The following CLYBL variants were observed in gnomAD, a reference collection of about 807,000 sequenced individuals.
The protein encoded by CLYBL is citramalyl-CoA lyase, mitochondrial.
A neutral mutation model predicts 38.9 loss-of-function variants in CLYBL; 31 were observed. The ratio of observed to expected loss-of-function variants is 0.80; its 90% confidence interval spans 0.60 to 1.08. The LOEUF (loss-of-function observed/expected upper bound fraction) is 1.08, where lower values mean the gene tolerates loss of function less well. Ranked by LOEUF, CLYBL falls within the 50% of genes least tolerant of loss-of-function variation. The pLI, the probability that CLYBL is intolerant of heterozygous loss-of-function variation, is 0.00. For missense variants in CLYBL, 434 were observed against 411.6 expected, an observed-to-expected ratio of 1.05 and a Z score of -0.47; for synonymous variants, 171 against 158.6, an observed-to-expected ratio of 1.08 and a Z score of -0.59.
At chr13:99,616,731 C>T (rs1455026049) in intron 1 of CLYBL, among the ~76,000 whole-genome samples, 1 of 152,018 alleles carries the variant, frequency 6.6e-6, no homozygotes, top group Non-Finnish European at 1.5e-5. Flanking sequence ...TGAAGTGGAC[C>T]GATCACTTGA....
chr13:99,692,483 G>A (rs1279679302), intron 1 of CLYBL, among the ~76,000 whole-genome samples: 1 of 151,778 alleles, frequency 6.6e-6, no homozygotes, highest in Non-Finnish European at 1.5e-5. Context: ...TAGTAGAGAC[G>A]GGGTTTCACC....
At chr13:99,623,532 T>G (rs2046826834) in intron 1 of CLYBL, among the ~76,000 whole-genome samples, 1 of 152,160 alleles carries the variant, frequency 6.6e-6, no homozygotes, top group Non-Finnish European at 1.5e-5. Flanking sequence ...TCCTGTTCCC[T>G]CAAGCAGGGA....
chr13:99,703,279 C>T (rs1566614606), intron 1 of CLYBL, among the ~76,000 whole-genome samples: 1 of 152,172 alleles, frequency 6.6e-6, no homozygotes, highest in African/African-American at 2.4e-5. Context: ...TTTAAGTGAC[C>T]ATAGCTTCTT....
chr13:99,901,601 G>A (rs2052642530), downstream of CLYBL, among the ~76,000 whole-genome samples: 1 of 151,436 alleles, frequency 6.6e-6, no homozygotes, highest in Non-Finnish European at 1.5e-5. Context: ...AAATTTTGCT[G>A]CCAAAGTTGC....
At chr13:99,745,174 C>A (rs950632693) in intron 1 of CLYBL, among the ~76,000 whole-genome samples, 2 of 152,216 alleles carry the variant, frequency 1.3e-5, no homozygotes, top group African/African-American at 4.8e-5. Flanking sequence ...CTCTCCATCT[C>A]TAACTGACCT....
At chr13:99,826,810 T>C (rs2050703941) in intron 2 of CLYBL, among the ~76,000 whole-genome samples, 1 of 152,242 alleles carries the variant, frequency 6.6e-6, no homozygotes, top group African/African-American at 2.4e-5. Flanking sequence ...CTCCCTGAGA[T>C]GCTCGCCCTG....
rs930569456 is a variant in CLYBL, at chr13:99,849,649, G to C, written c.250-9212G>C. Reference sequence around the variant, plus strand: ...ATGAGTTTGAGTCAGAGGTGCCTCAGAGGCCCATAAGGATGCCTGTCAAGG... The same window carrying C: ...ATGAGTTTGAGTCAGAGGTGCCTCACAGGCCCATAAGGATGCCTGTCAAGG... On this transcript the variant is annotated intron_variant, in intron 2 of 8. Transcript: ENST00000339105. This position sits in a 1 kb window ranked among gnomAD's most constrained non-coding sequence, Gnocchi z 4.9. Among the ~76,000 whole-genome samples, 1 of 152,252 alleles carries C rather than the reference G, an allele frequency of 6.6e-6. No homozygotes were observed. The highest frequency in any genetic ancestry group is 1.5e-5 in the Non-Finnish European group (1 of 68,054).
chr13:99,901,643 TTG>T (rs1491399560), downstream of CLYBL, among the ~76,000 whole-genome samples: 2 of 30,860 alleles, frequency 6.5e-5, no homozygotes. Context: ...TTGGATTTTT[TTG>T]TTTTTTTTTT....
intron 1 of CLYBL, among the ~76,000 whole-genome samples, chr13:99,748,206 C>T (rs2048887682): frequency 6.6e-6 from 1 of 151,872 alleles, no homozygotes; most frequent in Non-Finnish European, 1.5e-5. Flanking sequence ...ATGGCAAAAC[C>T]CCAACTCTAC....
At chr13:99,859,702 G>A (rs539158730) in intron 3 of CLYBL, among the ~76,000 whole-genome samples, 1 of 152,332 alleles carries the variant, frequency 6.6e-6, no homozygotes, top group Admixed American at 6.5e-5. Flanking sequence ...TGGTTGGCAT[G>A]TCAAATTACT....
intron 1 of CLYBL, among the ~76,000 whole-genome samples, chr13:99,719,050 T>C (rs1040263026): frequency 6.6e-6 from 1 of 151,934 alleles, no homozygotes; most frequent in African/African-American, 2.4e-5. Flanking sequence ...ATGGGGTTTC[T>C]CCATGTTGGT....
rs560146372 is a variant in CLYBL, at chr13:99,618,410, A to C, written c.62+11653A>C. On this transcript the variant is annotated intron_variant, in intron 1 of 8. Coordinates refer to ENST00000339105, the MANE Select transcript of CLYBL (RefSeq NM_206808.5). ...TCTGCCTCCGAGTAGCTGGGATTAC[A>C]GGTGCCCGCCACCACGCCTGGCTAA... Among the ~76,000 whole-genome samples the C allele has an allele frequency of 1.5e-4, 23 of 151,990 alleles. No homozygotes were observed. The East Asian group carries it at 4.4e-3, about 29-fold the overall frequency.
intron 2 of CLYBL, among the ~76,000 whole-genome samples, chr13:99,780,545 T>C (rs1051079191): frequency 2.0e-5 from 3 of 151,760 alleles, no homozygotes; most frequent in Non-Finnish European, 4.4e-5. Context: ...CACACCTGGC[T>C]AATTTTTTGT....
intron 7 of CLYBL, among the ~76,000 whole-genome samples, chr13:99,883,348 A>T (rs1361091833): frequency 6.6e-6 from 1 of 151,958 alleles, no homozygotes; most frequent in East Asian, 1.9e-4. Context: ...GTGAAACCCC[A>T]TCTCTACTAA....
chr13:99,795,515 A>G (rs1386530363), intron 2 of CLYBL, among the ~76,000 whole-genome samples: 1 of 152,076 alleles, frequency 6.6e-6, no homozygotes, highest in Non-Finnish European at 1.5e-5. Context: ...TTACCCAGGC[A>G]TGGTGGCATG....
intron 1 of CLYBL, among the ~76,000 whole-genome samples, chr13:99,755,196 C>G (rs190055299): frequency 7.2e-5 from 11 of 152,336 alleles, no homozygotes; most frequent in Non-Finnish European, 1.5e-4. Flanking sequence ...CGCGCCCGGC[C>G]CTAGATGATC....
chr13:99,658,686 G>A (rs1460008676), intron 1 of CLYBL, among the ~76,000 whole-genome samples: 1 of 152,126 alleles, frequency 6.6e-6, no homozygotes, highest in Admixed American at 6.5e-5. Flanking sequence ...TCTCTGCGGA[G>A]TTTCGGCAGC....
intron 1 of CLYBL, among the ~76,000 whole-genome samples, chr13:99,633,816 A>G (rs1010666303): frequency 1.3e-5 from 2 of 152,212 alleles, no homozygotes; most frequent in Non-Finnish European, 2.9e-5. Flanking sequence ...TAACTGAAAA[A>G]TAGATCAATC....
chr13:99,817,703 A>T (rs542372239), intron 2 of CLYBL, among the ~76,000 whole-genome samples: 1 of 151,750 alleles, frequency 6.6e-6, no homozygotes, highest in South Asian at 2.1e-4. Flanking sequence ...ACTGAGCTAA[A>T]GTAAAGAAAA....
Sources: gnomAD v4.1 joint callset for allele counts (sites outside exome capture counted in the v4.1 genomes callset) on GRCh38, gnomAD v4.1.1 for gene constraint, Gnocchi (gnomAD v3.1) non-coding constraint, MANE v1.5 for transcripts, NCBI Gene and HGNC (gene_info 2026-07-23, HGNC 2026-07-21) for gene names.